C3orf33: variants seen among roughly 807,000 people sequenced by gnomAD.
C3orf33 encodes mitochondrial inner membrane subdomain organizer 1, also known as AP-1 activity suppressor.
In C3orf33, 23 loss-of-function variants were observed where a neutral mutation model predicts 28.7. That is an observed-to-expected ratio of 0.80 (90% CI 0.58 to 1.13). The LOEUF (loss-of-function observed/expected upper bound fraction) is 1.13, where lower values mean the gene tolerates loss of function less well. Ranked by LOEUF, C3orf33 falls within the 50% of genes most tolerant of loss-of-function variation. C3orf33 has a pLI of 0.00. For synonymous variants in C3orf33, 119 were observed against 120.5 expected (o/e 0.99, Z 0.08); for missense variants, 327 against 353.4 (o/e 0.93, Z 0.60).
chr3:155,805,397 A>G (rs1751779572), intron 1 of C3orf33, among the ~76,000 whole-genome samples: 2 of 152,020 alleles, frequency 1.3e-5, no homozygotes, highest in Admixed American at 1.3e-4. Flanking sequence ...CAGGAAGTGG[A>G]GACTGCAACG....
chr3:155,788,630 C>T (rs533015679), intron 2 of C3orf33, among the ~76,000 whole-genome samples: 62 of 150,314 alleles, frequency 4.1e-4, no homozygotes, highest in Admixed American at 2.1e-3. Flanking sequence ...TGCAGTGAGC[C>T]GAAATCGCAG....
Position 155,767,578 on chromosome 3 carries a change from G to T in C3orf33, c.414C>A (p.Ser138=), listed in dbSNP as rs1203778429. Residue 138 remains serine (S), a synonymous_variant, in exon 4 of 5, where the codon TCC becomes TCA. Transcript: ENST00000340171. ...CAAGAAGTTGGAACCATAGTAATTGGGAAGGTTTTAGCTCTTTTTGTAACC... is the reference window on the plus strand; with the variant it reads ...CAAGAAGTTGGAACCATAGTAATTGTGAAGGTTTTAGCTCTTTTTGTAACC... ...KAWLQKELKP[S]QLLWFQLLGK... is the part of the protein sequence containing the mutation. 1 of 1,596,254 alleles carries T rather than the reference G, an allele frequency of 6.3e-7. No individual in the cohort carries two copies. Among genetic ancestry groups the T allele is most frequent in the Non-Finnish European group, 8.6e-7 (1 of 1,168,956 alleles).
intron 2 of C3orf33, among the ~76,000 whole-genome samples, chr3:155,781,021 C>T (rs1750904213): frequency 1.3e-5 from 2 of 149,180 alleles, no homozygotes; most frequent in Middle Eastern, 3.4e-3. Context: ...GACGGAGTCT[C>T]GCTCTGTCGC....
At chr3:155,785,944 G>A (rs1444353339) in intron 2 of C3orf33, among the ~76,000 whole-genome samples, 1 of 152,054 alleles carries the variant, frequency 6.6e-6, no homozygotes, top group African/African-American at 2.4e-5. Context: ...GGAGCCTGAG[G>A]TGGGAGAATC....
At chr3:155,798,698 A>C (rs1751552118) in intron 2 of C3orf33, among the ~76,000 whole-genome samples, 1 of 152,216 alleles carries the variant, frequency 6.6e-6, no homozygotes, top group Non-Finnish European at 1.5e-5. Context: ...ACTCTCCAGG[A>C]CATTGGACTG....
At chr3:155,786,491 T>TAACAGTGTTGGCGTACAATCC (rs1472339459) in intron 2 of C3orf33, among the ~76,000 whole-genome samples, 59 of 152,216 alleles carry the variant, frequency 3.9e-4, no homozygotes, top group African/African-American at 1.3e-3. Context: ...CACTGTACGC[T>TAACAGTGTTGGCGTACAATCC]AACAAATTGG....
intron 2 of C3orf33, among the ~76,000 whole-genome samples, chr3:155,782,342 A>AG (rs948225966): frequency 2.0e-5 from 3 of 151,946 alleles, no homozygotes; most frequent in African/African-American, 7.3e-5. Context: ...CTATTTGAAA[A>AG]AAAAAACCAT....
At chr3:155,790,287 A>G (rs1751275066) in intron 2 of C3orf33, among the ~76,000 whole-genome samples, 1 of 151,744 alleles carries the variant, frequency 6.6e-6, no homozygotes, top group Non-Finnish European at 1.5e-5. Context: ...AACTTGATAG[A>G]GCAAAGACCC....
At chr3:155,782,865 A>C (rs1368787025) in intron 2 of C3orf33, among the ~76,000 whole-genome samples, 2 of 152,192 alleles carry the variant, frequency 1.3e-5, no homozygotes, top group Non-Finnish European at 2.9e-5. Flanking sequence ...TTATTGTAAC[A>C]ACAGTTTGTA....
chr3:155,795,892 G>A (rs969817681), intron 2 of C3orf33, among the ~76,000 whole-genome samples: 2 of 151,972 alleles, frequency 1.3e-5, no homozygotes, highest in African/African-American at 4.8e-5. Context: ...GGAAGCAAAG[G>A]TTGCAGTGAG....
At chr3:155,774,557 C>T (rs1387479946) in intron 3 of C3orf33, among the ~76,000 whole-genome samples, 2 of 152,076 alleles carry the variant, frequency 1.3e-5, no homozygotes, top group Non-Finnish European at 2.9e-5. Flanking sequence ...GCATCTTACA[C>T]CAAACCTGTC....
intron 2 of C3orf33, among the ~76,000 whole-genome samples, chr3:155,798,529 C>T (rs1271934901): frequency 6.6e-6 from 1 of 152,174 alleles, no homozygotes. Flanking sequence ...AAAGGGCAGT[C>T]TCTTTGATAA....
At chr3:155,783,094 C>T (rs1403365364) in intron 2 of C3orf33, among the ~76,000 whole-genome samples, 5 of 152,076 alleles carry the variant, frequency 3.3e-5, no homozygotes, top group Admixed American at 3.3e-4. Flanking sequence ...ATGCTACTGT[C>T]CTGCTCAGTT....
At chr3:155,799,448 G>T (rs1438691072) in intron 2 of C3orf33, among the ~76,000 whole-genome samples, 1 of 152,116 alleles carries the variant, frequency 6.6e-6, no homozygotes, top group Non-Finnish European at 1.5e-5. Flanking sequence ...CAGCACTTTG[G>T]GAGGCCAAGG....
At chr3:155,774,552 T>C (rs957037637) in intron 3 of C3orf33, among the ~76,000 whole-genome samples, 7 of 152,182 alleles carry the variant, frequency 4.6e-5, no homozygotes, top group African/African-American at 1.7e-4. Context: ...AAGTGGCATC[T>C]TACACCAAAC....
intron 3 of C3orf33, among the ~76,000 whole-genome samples, chr3:155,769,770 C>T (rs568701945): frequency 2.3e-4 from 35 of 152,222 alleles, no homozygotes; most frequent in South Asian, 4.1e-4. Flanking sequence ...GGCAGGTGCC[C>T]GGTGAAACCT....
At chr3:155,768,926 A>G (rs1236677930) in intron 3 of C3orf33, among the ~76,000 whole-genome samples, 1 of 152,152 alleles carries the variant, frequency 6.6e-6, no homozygotes, top group Admixed American at 6.5e-5. Flanking sequence ...CTGTAATCCC[A>G]GCACTTTGGG....
chr3:155,766,532 G>C (rs1750407440), intron 4 of C3orf33, among the ~76,000 whole-genome samples: 1 of 152,212 alleles, frequency 6.6e-6, no homozygotes, highest in Non-Finnish European at 1.5e-5. Flanking sequence ...CTGGCTGTTT[G>C]TAGTTTCCAG....
At chr3:155,782,086 A>C (rs1257609270) in intron 2 of C3orf33, among the ~76,000 whole-genome samples, 2 of 151,024 alleles carry the variant, frequency 1.3e-5, no homozygotes, top group African/African-American at 4.9e-5. Flanking sequence ...TGGTGGACTC[A>C]TGTAATCCCA....
Sources: allele counts gnomAD v4.1 joint callset (sites outside exome capture counted in the v4.1 genomes callset), GRCh38; gene constraint gnomAD v4.1.1; transcripts MANE v1.5; gene names NCBI Gene and HGNC (gene_info 2026-07-23, HGNC 2026-07-21).